SEZ6L: variants seen among roughly 807,000 people sequenced by gnomAD.
SEZ6L encodes the protein seizure related 6 homolog like, also known as seizure 6-like protein.
SEZ6L carries 37 observed loss-of-function variants against 106.2 expected under a neutral mutation model. The observed-to-expected ratio is 0.35, with a 90% CI of 0.27 to 0.46. The LOEUF (loss-of-function observed/expected upper bound fraction) is 0.46. Among genes scored for constraint, SEZ6L ranks in the 20% least tolerant of loss-of-function variants. The pLI is 1.00. For missense variants in SEZ6L, 1,172 were observed against 1,332.8 expected (o/e 0.88, Z 1.88); for synonymous variants, 541 against 570.4 (o/e 0.95, Z 0.73).
chr22:26,172,684 T>G (rs766802424), intron 1 of SEZ6L, among the ~76,000 whole-genome samples: 6 of 152,184 alleles, frequency 3.9e-5, no homozygotes, highest in African/African-American at 7.2e-5. Flanking sequence ...AGAATGGAGC[T>G]CCTCTCAGCC....
At chr22:26,270,463 GGTGTGT>G (rs60049781) in intron 1 of SEZ6L, among the ~76,000 whole-genome samples, 9,091 of 146,304 alleles carry the variant, frequency 0.062, 536 homozygotes, top group East Asian at 0.3. Flanking sequence ...AATTGTGAGG[GGTGTGT>G]GTGTGTGTGT....
chr22:26,253,000 T>C (rs2079656180), intron 1 of SEZ6L, among the ~76,000 whole-genome samples: 1 of 152,216 alleles, frequency 6.6e-6, no homozygotes, highest in Non-Finnish European at 1.5e-5. Flanking sequence ...GTAATATTAA[T>C]AGTGGTAGCA....
chr22:26,294,573 G>A (rs137205), intron 3 of SEZ6L, 148 bp downstream of exon 3: 177,246 of 683,874 alleles, frequency 0.26, 27,065 homozygotes, highest in Non-Finnish European at 0.31. Context: ...TGGCGAATGA[G>A]TAGGAGTTCT....
chr22:26,361,397 C>CG (rs2083622117), intron 12 of SEZ6L, among the ~76,000 whole-genome samples: 1 of 149,252 alleles, frequency 6.7e-6, no homozygotes, highest in Admixed American at 6.7e-5. Context: ...GTCCCAGCTA[C>CG]TCGGGAGGCT....
chr22:26,299,222 A>C, intron 5 of SEZ6L, 53 bp downstream of exon 5: 1 of 1,306,500 alleles, frequency 7.7e-7, no homozygotes, highest in Non-Finnish European at 9.8e-7. Flanking sequence ...AAGAGGGGAA[A>C]GACCAACCTG....
At chr22:26,253,368 C>A (rs146409857) in intron 1 of SEZ6L, among the ~76,000 whole-genome samples, 1,562 of 152,230 alleles carry the variant, frequency 0.01, 9 homozygotes, top group East Asian at 0.03. Context: ...GCTGCTGCTG[C>A]TGATGATGAT....
rs1938428931 is a variant in SEZ6L, at chr22:26,169,638, C to T, written c.-32C>T. On this transcript the variant is annotated 5_prime_UTR_variant, in exon 1 of 17. Coordinates refer to ENST00000248933, the MANE Select transcript of SEZ6L (RefSeq NM_021115.5). Reference sequence around the variant, plus strand: ...GCTCCCTCGCCGTCCGCCCGCCCCACAGCCAGCGGCTCCGCGCCCCCTGCA... The same window carrying T: ...GCTCCCTCGCCGTCCGCCCGCCCCATAGCCAGCGGCTCCGCGCCCCCTGCA... 1.2e-5 allele frequency: 11 copies of T among 919,354 alleles called. No homozygotes were observed. Among genetic ancestry groups the T allele is most frequent in the Non-Finnish European group, 1.6e-5 (11 of 668,604 alleles). 56.9% of individuals were successfully genotyped at this position (919,354 alleles called of 1,614,324 possible).
Position 26,292,484 on chromosome 22 carries a change from G to T in SEZ6L, c.173G>T (p.Gly58Val). Residue 58 changes from glycine to valine, a missense_variant, in exon 2 of 17, where the codon GGC (glycine) becomes GTC (valine). Transcript: ENST00000248933. ...GGAGCCCCGGAGAGAGGCAGTCCTG[G>T]CAAAGAGCACCCTGAAGAGAGAGTG... ...PSGAPERGSP[G>V]KEHPEERVVT... The T allele has an allele frequency of 6.2e-7, 1 of 1,613,970 alleles. No homozygotes were observed. The highest frequency in any genetic ancestry group is 8.5e-7 in the Non-Finnish European group (1 of 1,179,940).
chr22:26,263,886 C>T (rs145990010), intron 1 of SEZ6L, among the ~76,000 whole-genome samples: 265 of 152,302 alleles, frequency 1.7e-3, no homozygotes, highest in African/African-American at 5.9e-3. Context: ...CCTTTTAGTC[C>T]CCACAGCTAG....
intron 1 of SEZ6L, among the ~76,000 whole-genome samples, chr22:26,254,473 C>A (rs2079736728): frequency 6.6e-6 from 1 of 152,120 alleles, no homozygotes; most frequent in East Asian, 1.9e-4. Flanking sequence ...CACATGTAGG[C>A]CAGCTGCAGT....
chr22:26,232,443 C>T (rs1288428586), intron 1 of SEZ6L, among the ~76,000 whole-genome samples: 1 of 151,102 alleles, frequency 6.6e-6, no homozygotes, highest in Non-Finnish European at 1.5e-5. Flanking sequence ...CAAATGTCAA[C>T]CTTACCTGCC....
intron 1 of SEZ6L, among the ~76,000 whole-genome samples, chr22:26,193,738 T>C (rs992767536): frequency 2.6e-5 from 4 of 152,212 alleles, no homozygotes; most frequent in Non-Finnish European, 5.9e-5. Flanking sequence ...AGACTTCCCA[T>C]GGCATTCAAT....
At chr22:26,332,620 T>C (rs1464531498) in intron 9 of SEZ6L, among the ~76,000 whole-genome samples, 2 of 152,078 alleles carry the variant, frequency 1.3e-5, no homozygotes, top group African/African-American at 2.4e-5. Flanking sequence ...CTAATGTTTT[T>C]ATTTTTTATA....
At chr22:26,307,122 G>T (rs1464023374) in intron 6 of SEZ6L, among the ~76,000 whole-genome samples, 1 of 152,218 alleles carries the variant, frequency 6.6e-6, no homozygotes, top group Non-Finnish European at 1.5e-5. Flanking sequence ...GCATACCTCA[G>T]AGTGGTCCTG....
chr22:26,297,578 AAT>A (rs1324094292), intron 4 of SEZ6L, among the ~76,000 whole-genome samples: 1 of 152,184 alleles, frequency 6.6e-6, no homozygotes, highest in Non-Finnish European at 1.5e-5. Flanking sequence ...CCCTGAATTC[AAT>A]ATATAGATCC....
At chr22:26,352,609 G>A (rs2083316947) in intron 12 of SEZ6L, among the ~76,000 whole-genome samples, 1 of 152,152 alleles carries the variant, frequency 6.6e-6, no homozygotes, top group African/African-American at 2.4e-5. Context: ...ACACTAACAA[G>A]CAACTCTACG....
At chr22:26,286,745 C>CTTTTT (rs137200) in intron 1 of SEZ6L, among the ~76,000 whole-genome samples, 2 of 118,654 alleles carry the variant, frequency 1.7e-5, no homozygotes, top group Non-Finnish European at 1.7e-5. Context: ...AGAGCTTGTG[C>CTTTTT]TTTTTTTTTT....
chr22:26,272,697 GA>G (rs1274612675), intron 1 of SEZ6L, among the ~76,000 whole-genome samples: 1 of 152,184 alleles, frequency 6.6e-6, no homozygotes, highest in East Asian at 1.9e-4. Context: ...TTTGTTGAAT[GA>G]CTATATGAGG....
rs764504144 is a variant in SEZ6L at position 26,310,828 on chromosome 22, G to A, written c.1673G>A (p.Arg558Gln). 38 of 1,613,658 alleles carry A rather than the reference G, an allele frequency of 2.4e-5. No individual in the cohort carries two copies. Among genetic ancestry groups the A allele is most frequent in the Admixed American group, 5.0e-5 (3 of 60,002 alleles). ...CGGGCGGCCTCCACCTTCAACATCCGATTTGAAGGTGAGGGTCCCTGGGAG... is the reference window on the plus strand; with the variant it reads ...CGGGCGGCCTCCACCTTCAACATCCAATTTGAAGGTGAGGGTCCCTGGGAG... Reference protein sequence around the residue: ...QARAASTFNIRFEAFEKGHCY... With the variant: ...QARAASTFNIQFEAFEKGHCY... Residue 558 changes from arginine (R) to glutamine (Q), a missense_variant, in exon 7 of 17, where the codon CGA (arginine) becomes CAA (glutamine). By Grantham distance (43) the Arg-to-Gln change is conservative. This residue lies in a region of SEZ6L where 534 missense variants were observed against 691.0 expected (regional missense o/e 0.77). Coordinates refer to ENST00000248933, the MANE Select transcript of SEZ6L (RefSeq NM_021115.5).
Sources: allele counts gnomAD v4.1 joint callset (sites outside exome capture counted in the v4.1 genomes callset), GRCh38; gene constraint gnomAD v4.1.1; regional missense constraint gnomAD v4.1.1; transcripts MANE v1.5; gene names NCBI Gene and HGNC (gene_info 2026-07-23, HGNC 2026-07-21).